LRBA: variants seen among roughly 807,000 people sequenced by gnomAD.
The protein encoded by LRBA is LPS responsive beige-like anchor protein.
LRBA carries 176 observed loss-of-function variants against 330.0 expected under a neutral mutation model. That is an observed-to-expected ratio of 0.53 (90% CI 0.47 to 0.60). The LOEUF is 0.60. Ranked by LOEUF, LRBA falls within the 20% of genes least tolerant of loss-of-function variation. LRBA has a pLI of 0.00. For synonymous variants in LRBA, 1,230 were observed against 1,193.0 expected, an observed-to-expected ratio of 1.03 and a Z score of -0.64; for missense variants, 3,259 against 3,444.8, an observed-to-expected ratio of 0.95 and a Z score of 1.35.
chr4:150,589,145 G>C lies in LRBA; in HGVS notation c.6194-961C>G, dbSNP rs577392733. Among the ~76,000 whole-genome samples the C allele has an allele frequency of 3.5e-4, 53 of 152,002 alleles. 3 individuals are homozygous for C. In the South Asian group the frequency reaches 0.011, roughly 32 times the overall value. On this transcript the variant is annotated intron_variant, in intron 39 of 56. Coordinates refer to ENST00000651943, the MANE Select transcript of LRBA (RefSeq NM_001364905.1). ...TTCCTCATGGTATAAATCCTATAGGGGAAGAAAACAGCATAAGAGAAGATT... is the reference window on the plus strand; with the variant it reads ...TTCCTCATGGTATAAATCCTATAGGCGAAGAAAACAGCATAAGAGAAGATT...
intron 37 of LRBA, among the ~76,000 whole-genome samples, chr4:150,641,775 G>T (rs1188096971): frequency 1.3e-5 from 2 of 152,042 alleles, no homozygotes; most frequent in Non-Finnish European, 2.9e-5. Flanking sequence ...GCAAACATTA[G>T]TGTCAATTTA....
intron 36 of LRBA, among the ~76,000 whole-genome samples, chr4:150,723,027 T>C (rs978305528): frequency 3.3e-5 from 5 of 152,164 alleles, no homozygotes; most frequent in Middle Eastern, 3.4e-3. Context: ...CAGAGGGGAA[T>C]GACATATCCC....
At chr4:150,552,561 AGTTCAACCACT>A (rs1766742989) in intron 40 of LRBA, among the ~76,000 whole-genome samples, 1 of 152,196 alleles carries the variant, frequency 6.6e-6, no homozygotes, top group Admixed American at 6.5e-5. Flanking sequence ...AGTGTGAACT[AGTTCAACCACT>A]GTGGAAGACA....
In LRBA at chr4:150,615,475, A is replaced by T. The variant is rs371421676; in HGVS notation, c.5922-16344T>A. 7.9e-5 allele frequency among the ~76,000 whole-genome samples: 12 copies of T among 152,156 alleles called. No individual in the cohort carries two copies. The South Asian group carries it at 8.3e-4, about 10-fold the overall frequency. On this transcript the variant is annotated intron_variant, in intron 37 of 56. Coordinates refer to ENST00000651943, the MANE Select transcript of LRBA (RefSeq NM_001364905.1). Reference sequence around the variant, plus strand: ...GCAGCAGTGGAAGTAGTAAAAAGTCATTGAATTATGGATATATATTGAAGG... The same window carrying T: ...GCAGCAGTGGAAGTAGTAAAAAGTCTTTGAATTATGGATATATATTGAAGG...
intron 2 of LRBA, among the ~76,000 whole-genome samples, chr4:151,009,012 T>C (rs866947798): frequency 0.03 from 1,125 of 37,178 alleles, 175 homozygotes; most frequent in African/African-American, 0.084. Context: ...TATATATATA[T>C]ATATATATAT....
chr4:150,728,648 C>T (rs368623294), intron 36 of LRBA, among the ~76,000 whole-genome samples: 9 of 148,384 alleles, frequency 6.1e-5, no homozygotes, highest in South Asian at 2.1e-4. Flanking sequence ...GTACAACATC[C>T]GTTCATGATA....
intron 46 of LRBA, among the ~76,000 whole-genome samples, chr4:150,421,885 T>C (rs1341475378): frequency 6.6e-6 from 1 of 151,628 alleles, no homozygotes; most frequent in African/African-American, 2.4e-5. Context: ...TCCAGGGAAA[T>C]AAGGGGGAAA....
intron 36 of LRBA, among the ~76,000 whole-genome samples, chr4:150,716,663 T>G (rs1446721735): frequency 1.3e-5 from 2 of 152,170 alleles, no homozygotes; most frequent in Non-Finnish European, 2.9e-5. Flanking sequence ...AAGCAGCTAC[T>G]TAAGAGGAAA....
intron 37 of LRBA, among the ~76,000 whole-genome samples, chr4:150,677,662 C>T (rs539606628): frequency 1.1e-4 from 17 of 152,060 alleles, no homozygotes; most frequent in Admixed American, 6.5e-4. Flanking sequence ...GTTAACCTGG[C>T]ATGGTGGTTC....
Position 150,321,136 on chromosome 4 carries a change from G to T in LRBA, c.7630+55C>A. 1 of 1,397,086 alleles carries T rather than the reference G, an allele frequency of 7.2e-7. No individual in the cohort carries two copies. The highest frequency in any genetic ancestry group is 9.9e-7 in the Non-Finnish European group (1 of 1,008,172). The allele number at this position is 1,397,086 out of a possible 1,614,324, so 86.5% of individuals were successfully genotyped here. Reference sequence around the variant, plus strand: ...GTTGAGATATGCTATATTTAAGTGGGTATTACACAGTGTTCAGCAGTTACC... The same window carrying T: ...GTTGAGATATGCTATATTTAAGTGGTTATTACACAGTGTTCAGCAGTTACC... On this transcript the variant is annotated intron_variant, in intron 50 of 56. Transcript: ENST00000651943. This position sits in a 1 kb window ranked among gnomAD's most constrained non-coding sequence, Gnocchi z 4.5.
chr4:150,887,481 AGTGGCTCACGGGCCGGGTGTG>A (rs1401864606), intron 17 of LRBA, among the ~76,000 whole-genome samples: 2 of 152,144 alleles, frequency 1.3e-5, no homozygotes, highest in Non-Finnish European at 2.9e-5. Flanking sequence ...GGCCGGGAGC[AGTGGCTCACGGGCCGGGTGTG>A]GTGGCTCACG....
chr4:150,280,131 T>G (rs888214758), intron 55 of LRBA, among the ~76,000 whole-genome samples: 1 of 152,192 alleles, frequency 6.6e-6, no homozygotes, highest in African/African-American at 2.4e-5. Context: ...AAGATTTCGC[T>G]GGCCTCTTTC....
chr4:150,475,823 G>C (rs1261057201), intron 42 of LRBA, among the ~76,000 whole-genome samples: 1 of 151,698 alleles, frequency 6.6e-6, no homozygotes, highest in Non-Finnish European at 1.5e-5. Flanking sequence ...AGGGTGGCTT[G>C]AGCCCAGGAG....
At chr4:150,540,584 ACT>A (rs1392088778) in intron 40 of LRBA, among the ~76,000 whole-genome samples, 1 of 152,202 alleles carries the variant, frequency 6.6e-6, no homozygotes, top group Admixed American at 6.5e-5. Flanking sequence ...TTGTAAAGTA[ACT>A]CAACAAAAAG....
intron 36 of LRBA, among the ~76,000 whole-genome samples, chr4:150,716,190 T>C (rs1340927766): frequency 2.6e-5 from 4 of 152,200 alleles, no homozygotes; most frequent in Admixed American, 2.6e-4. Context: ...GGCTCATGCC[T>C]GTAATCCCAG....
chr4:150,437,831 A>G (rs970552917), intron 44 of LRBA, among the ~76,000 whole-genome samples: 1 of 152,320 alleles, frequency 6.6e-6, no homozygotes, highest in Middle Eastern at 3.4e-3. Flanking sequence ...GTTTGAATGA[A>G]ATAATTGCCT....
At chr4:150,388,067 A>G (rs6857952) in intron 47 of LRBA, among the ~76,000 whole-genome samples, 132,561 of 152,192 alleles carry the variant, frequency 0.87, 58,601 homozygotes, top group Non-Finnish European at 0.96. Context: ...AATTTCTGAA[A>G]GCTGAAAAGT....
chr4:151,009,337 C>T (rs1290332911), intron 2 of LRBA, among the ~76,000 whole-genome samples: 2 of 151,592 alleles, frequency 1.3e-5, no homozygotes, highest in Non-Finnish European at 1.5e-5. Context: ...TCACTTGAGG[C>T]CAGGAGTTTG....
chr4:150,735,853 C>A lies in LRBA; in HGVS notation c.5646-487G>T, dbSNP rs1731112238. On this transcript the variant is annotated intron_variant, in intron 35 of 56. Transcript: ENST00000651943. ...GTCAAGGTGGAGGAGTCCCGGTAGA[C>A]TACCCAAGAGTTACAGCAGGAATCA... is the stretch of plus-strand genomic sequence containing the variant. Among the ~76,000 whole-genome samples, 3 of 152,270 alleles carry A rather than the reference C, an allele frequency of 2.0e-5. No homozygotes were observed. In the South Asian group the frequency reaches 6.2e-4, roughly 32 times the overall value.
Sources: allele counts gnomAD v4.1 joint callset (sites outside exome capture counted in the v4.1 genomes callset), GRCh38; gene constraint gnomAD v4.1.1; non-coding constraint Gnocchi (gnomAD v3.1); transcripts MANE v1.5; gene names NCBI Gene and HGNC (gene_info 2026-07-23, HGNC 2026-07-21).